PGM5: variants seen among roughly 807,000 people sequenced by gnomAD.
The protein encoded by PGM5 is phosphoglucomutase-like protein 5.
In PGM5, 23 loss-of-function variants were observed where a neutral mutation model predicts 59.2. The observed-to-expected ratio is 0.39, with a 90% CI of 0.28 to 0.55. PGM5 has a LOEUF of 0.55. Ranked by LOEUF, PGM5 falls within the 20% of genes least tolerant of loss-of-function variation. The pLI, the probability that PGM5 is intolerant of heterozygous loss-of-function variation, is 0.66. For missense variants in PGM5, 574 were observed against 748.3 expected, an observed-to-expected ratio of 0.77 and a Z score of 2.72; for synonymous variants, 214 against 286.0, an observed-to-expected ratio of 0.75 and a Z score of 2.54.
chr9:68,416,636 C>A (rs1459642585), intron 6 of PGM5, among the ~76,000 whole-genome samples: 14 of 152,212 alleles, frequency 9.2e-5, no homozygotes, highest in African/African-American at 3.4e-4. Context: ...TTTAAAGCCT[C>A]AACAATTTTC....
chr9:68,430,192 G>A (rs2132055206), intron 6 of PGM5, among the ~76,000 whole-genome samples: 1 of 152,282 alleles, frequency 6.6e-6, no homozygotes, highest in African/African-American at 2.4e-5. Flanking sequence ...CTATGGTTTT[G>A]AAATTTAACA....
intron 1 of PGM5, among the ~76,000 whole-genome samples, chr9:68,368,205 A>C (rs1474595461): frequency 1.3e-5 from 2 of 150,466 alleles, no homozygotes; most frequent in Non-Finnish European, 3.0e-5. Flanking sequence ...CATTCCATAG[A>C]AATGAAGGAG....
chr9:68,448,901 C>CTCTCA (rs541095246), intron 6 of PGM5, among the ~76,000 whole-genome samples: 274 of 152,310 alleles, frequency 1.8e-3, no homozygotes, highest in Middle Eastern at 6.8e-3. Context: ...CAGGAGGGGC[C>CTCTCA]TCTCATTCTA....
chr9:68,516,753 G>T (rs919705643), intron 10 of PGM5, among the ~76,000 whole-genome samples: 1 of 152,216 alleles, frequency 6.6e-6, no homozygotes, highest in Non-Finnish European at 1.5e-5. Context: ...TCTTTGCTTT[G>T]TGACGTCCAC....
chr9:68,376,475 CTGTGTGTGTGTGTGTGTGTGTGTGTG>C (rs71353047), intron 1 of PGM5, among the ~76,000 whole-genome samples: 5 of 129,570 alleles, frequency 3.9e-5, no homozygotes, highest in Non-Finnish European at 1.6e-5. Flanking sequence ...TGCTTTTGAG[CTGTGTGTGTGTGTGTGTGTGTGTGTG>C]TGTGTGTGTG....
In PGM5 at chr9:68,395,328, G is replaced by A. The variant is rs147545205; in HGVS notation, c.1043+2855G>A. 9.3e-3 allele frequency among the ~76,000 whole-genome samples: 1,409 copies of A among 152,144 alleles called. 7 individuals carry two copies. Among genetic ancestry groups the A allele is most frequent in the Non-Finnish European group, 0.015 (1,017 of 68,010 alleles). ...TCAGCATTCTCTATTCTATACCACT[G>A]ATCCATTTGTTGATTCGTATGTAAA... On this transcript the variant is annotated intron_variant, in intron 6 of 10. Transcript: ENST00000396396.
At chr9:68,423,560 T>A (rs1554682496) in intron 6 of PGM5, among the ~76,000 whole-genome samples, 1 of 152,002 alleles carries the variant, frequency 6.6e-6, no homozygotes. Flanking sequence ...GAGCTGACAT[T>A]AGGTTCAATC....
intron 7 of PGM5, among the ~76,000 whole-genome samples, chr9:68,472,713 G>A (rs1554686352): frequency 6.6e-6 from 1 of 152,224 alleles, no homozygotes; most frequent in African/African-American, 2.4e-5. Flanking sequence ...AGGGTAGAGT[G>A]CGAGTAATTT....
intron 1 of PGM5, among the ~76,000 whole-genome samples, chr9:68,361,435 G>A (rs1229724347): frequency 1.3e-5 from 2 of 152,270 alleles, no homozygotes; most frequent in Non-Finnish European, 2.9e-5. Flanking sequence ...TTAACTGGAA[G>A]TTAGTTCTAA....
At chr9:68,493,415 G>C (rs2132100769) in intron 9 of PGM5, among the ~76,000 whole-genome samples, 1 of 152,358 alleles carries the variant, frequency 6.6e-6, no homozygotes, top group East Asian at 1.9e-4. Flanking sequence ...GAGAAGCAAT[G>C]TGTGAATATC....
At chr9:68,384,296 C>T in intron 2 of PGM5, 102 bp from the exon 3 acceptor site, 2 of 764,552 alleles carry the variant, frequency 2.6e-6, no homozygotes, top group South Asian at 1.7e-5. Flanking sequence ...GTTTAGAGAA[C>T]AAATGAATCT....
In PGM5 at chr9:68,446,598, G is replaced by A. The variant is rs112965071; in HGVS notation, c.1044-18495G>A. 6.9e-3 allele frequency among the ~76,000 whole-genome samples: 1,052 copies of A among 152,344 alleles called. 12 individuals are homozygous for A. The highest frequency in any genetic ancestry group is 0.024 in the African/African-American group (981 of 41,578). On this transcript the variant is annotated intron_variant, in intron 6 of 10. Coordinates refer to ENST00000396396, the MANE Select transcript of PGM5 (RefSeq NM_021965.4). ...GTGTATATGTGTTTAATGGGGAAAC[G>A]AAGGCTAGGAAAGGAGGGAGATAAA...
At chr9:68,380,955 T>C (rs1180997043) in intron 2 of PGM5, among the ~76,000 whole-genome samples, 2 of 151,796 alleles carry the variant, frequency 1.3e-5, no homozygotes, top group Admixed American at 6.6e-5. Context: ...CTTTCCAAAA[T>C]AGAAAAGCCT....
At chr9:68,450,112 T>C (rs529859639) in intron 6 of PGM5, among the ~76,000 whole-genome samples, 1 of 152,180 alleles carries the variant, frequency 6.6e-6, no homozygotes, top group Non-Finnish European at 1.5e-5. Context: ...CACTGTATGA[T>C]ACATGAATCA....
chr9:68,447,622 T>G (rs1437214180), intron 6 of PGM5, among the ~76,000 whole-genome samples: 1 of 152,222 alleles, frequency 6.6e-6, no homozygotes, highest in African/African-American at 2.4e-5. Flanking sequence ...TTATTATTAT[T>G]ATTATTACTA....
intron 6 of PGM5, among the ~76,000 whole-genome samples, chr9:68,404,446 A>G (rs1458848302): frequency 6.6e-6 from 1 of 152,202 alleles, no homozygotes; most frequent in Non-Finnish European, 1.5e-5. Context: ...TAAATCTGAG[A>G]TAGACAACAC....
chr9:68,375,830 G>A (rs1438991746), intron 1 of PGM5, among the ~76,000 whole-genome samples: 9 of 152,210 alleles, frequency 5.9e-5, no homozygotes, highest in Non-Finnish European at 1.0e-4. Context: ...TCTCTGATTA[G>A]CTTACATTGA....
chr9:68,376,813 CTTTCTTTCTTTCTTTCTTTCTCTT>C (rs1821911858), intron 1 of PGM5, among the ~76,000 whole-genome samples: 2 of 107,758 alleles, frequency 1.9e-5, no homozygotes, highest in African/African-American at 8.1e-5. Context: ...TTCTTTCTTT[CTTTCTTTCTTTCTTTCTTTCTCTT>C]TCTTTCTTTC....
chr9:68,369,535 TA>T (rs200270043), intron 1 of PGM5, among the ~76,000 whole-genome samples: 4,299 of 152,200 alleles, frequency 0.028, 105 homozygotes, highest in East Asian at 0.12. Flanking sequence ...ATAGCCTCAT[TA>T]CCAGGAAGGA....
Sources: allele counts gnomAD v4.1 joint callset (sites outside exome capture counted in the v4.1 genomes callset), GRCh38; gene constraint gnomAD v4.1.1; transcripts MANE v1.5; gene names NCBI Gene and HGNC (gene_info 2026-07-23, HGNC 2026-07-21).